Variants in UBXN2B observed in about 807,000 individuals in gnomAD.
UBXN2B encodes the protein UBX domain-containing protein 2B.
UBXN2B carries 19 observed loss-of-function variants against 37.5 expected under a neutral mutation model. That is an observed-to-expected ratio of 0.51 (90% CI 0.35 to 0.74). UBXN2B has a LOEUF of 0.74. Among genes scored for constraint, UBXN2B ranks in the 30% least tolerant of loss-of-function variants. The pLI, the probability that UBXN2B is intolerant of heterozygous loss-of-function variation, is 0.01. For missense variants in UBXN2B, 370 were observed against 393.2 expected, an observed-to-expected ratio of 0.94 and a Z score of 0.50; for synonymous variants, 145 against 143.8, an observed-to-expected ratio of 1.01 and a Z score of -0.06.
At chr8:58,419,858 C>T (rs1563457225) in intron 2 of UBXN2B, among the ~76,000 whole-genome samples, 1 of 152,224 alleles carries the variant, frequency 6.6e-6, no homozygotes. Flanking sequence ...GGCATGTGAC[C>T]TGTGCTATTG....
chr8:58,428,015 A>T (rs981749710), intron 2 of UBXN2B, among the ~76,000 whole-genome samples: 1 of 152,166 alleles, frequency 6.6e-6, no homozygotes, highest in African/African-American at 2.4e-5. Context: ...AGCGAAAGGG[A>T]GAAGAAGGAT....
chr8:58,445,785 A>ATGAAAGAGGT (rs1808651977), intron 6 of UBXN2B, 122 bp from the exon 7 acceptor site: 2 of 801,284 alleles, frequency 2.5e-6, no homozygotes, highest in African/African-American at 3.6e-5. Flanking sequence ...CTTTAATATA[A>ATGAAAGAGGT]TGAAAGAGGT....
chr8:58,426,427 C>T (rs1051788654), intron 2 of UBXN2B: 1 of 608,750 alleles, frequency 1.6e-6, no homozygotes, highest in African/African-American at 1.8e-5. Flanking sequence ...CCAGGATGGT[C>T]TCAATCTCCT....
chr8:58,434,525 T>G (rs1336868341), intron 5 of UBXN2B, 21 bp downstream of exon 5: 3 of 1,495,728 alleles, frequency 2.0e-6, no homozygotes, highest in Admixed American at 2.2e-5. Context: ...TTATTTGTAT[T>G]CTATTTGTTA....
At chr8:58,435,223 T>A (rs1165571932) in intron 5 of UBXN2B, 18 of 1,005,510 alleles carry the variant, frequency 1.8e-5, no homozygotes, top group Non-Finnish European at 2.3e-5. Context: ...ACCAGAGTTA[T>A]ATATACAGGG....
In UBXN2B at chr8:58,424,017, A is replaced by G. The variant is rs188595365; in HGVS notation, c.189-6502A>G. Among the ~76,000 whole-genome samples, 7 of 152,176 alleles carry G rather than the reference A, an allele frequency of 4.6e-5. No individual in the cohort carries two copies. The South Asian group carries it at 1.0e-3, about 23-fold the overall frequency. On this transcript the variant is annotated intron_variant, in intron 2 of 7. Transcript: ENST00000399598. ...CTCTTCAATGCCAATGCAAAGGTAG[A>G]CCAGTCAGCTTCTGACAGTCTCAGG... is the stretch of plus-strand genomic sequence containing the variant.
rs869090698 is a variant in UBXN2B at position 58,446,779 on chromosome 8, A to ATTTTTTTTTTTTTTTT, written c.834-589_834-574dup. Among the ~76,000 whole-genome samples the ATTTTTTTTTTTTTTTT allele has an allele frequency of 6.1e-3, 106 of 17,402 alleles. 38 individuals carry two copies. The highest frequency in any genetic ancestry group is 6.5e-3 in the Non-Finnish European group (62 of 9,594). 11.4% of individuals were successfully genotyped at this position (17,402 alleles called of 152,430 possible). A position where few individuals can be genotyped will look rare whatever the true frequency, so the allele number is the denominator to read the frequency against. ...ATACTCCGAAAAAAGTACAACCTGC[A>ATTTTTTTTTTTTTTTT]TTTTTTTTTTTTTTTTTTTTTTTTT... On this transcript the variant is annotated intron_variant, in intron 7 of 7. Transcript: ENST00000399598.
intron 2 of UBXN2B, among the ~76,000 whole-genome samples, chr8:58,428,383 C>A (rs1372099921): frequency 6.6e-6 from 1 of 152,124 alleles, no homozygotes; most frequent in Non-Finnish European, 1.5e-5. Context: ...CAAAAGTATA[C>A]AAATTGGAAA....
chr8:58,426,200 ATCT>A, intron 2 of UBXN2B: 3 of 559,246 alleles, frequency 5.4e-6, no homozygotes, highest in East Asian at 3.1e-5. Context: ...AGTGTTCTGA[ATCT>A]TTTTTTTTTT....
intron 3 of UBXN2B, 121 bp from the exon 4 acceptor site, chr8:58,433,039 G>T: frequency 1.5e-6 from 1 of 662,076 alleles, no homozygotes; most frequent in Non-Finnish European, 2.5e-6. Flanking sequence ...GTTCTTGAAG[G>T]CTCCCCAGTA....
At chr8:58,440,536 G>T (rs1808514677) in intron 6 of UBXN2B, among the ~76,000 whole-genome samples, 2 of 152,268 alleles carry the variant, frequency 1.3e-5, no homozygotes, top group African/African-American at 4.8e-5. Flanking sequence ...TGTATGAGTG[G>T]TTTCCTTTAT....
intron 2 of UBXN2B, among the ~76,000 whole-genome samples, chr8:58,427,849 A>T (rs1476833717): frequency 6.6e-6 from 1 of 152,196 alleles, no homozygotes. Flanking sequence ...ACATGAGCTT[A>T]AATAGAGGGG....
chr8:58,437,318 CTTTTTTTTTTTT>C (rs773987509), intron 5 of UBXN2B, among the ~76,000 whole-genome samples: 64 of 74,262 alleles, frequency 8.6e-4, no homozygotes, highest in Non-Finnish European at 1.2e-3. Context: ...GAAGAAATTT[CTTTTTTTTTTTT>C]TTTTTTTTTT....
chr8:58,417,833 CA>C (rs1225439276), intron 2 of UBXN2B, among the ~76,000 whole-genome samples: 1 of 152,110 alleles, frequency 6.6e-6, no homozygotes, highest in Non-Finnish European at 1.5e-5. Flanking sequence ...CTTTTTTACT[CA>C]ACTATTTGAA....
intron 2 of UBXN2B, chr8:58,425,542 T>C: frequency 9.4e-7 from 1 of 1,067,504 alleles, no homozygotes; most frequent in South Asian, 1.3e-5. Flanking sequence ...TTTATATCTA[T>C]TTTTGTTTTT....
At chr8:58,441,726 A>G (rs1808555621) in intron 6 of UBXN2B, among the ~76,000 whole-genome samples, 1 of 152,210 alleles carries the variant, frequency 6.6e-6, no homozygotes, top group African/African-American at 2.4e-5. Flanking sequence ...CATTTTCCTT[A>G]TAAGGCAAAT....
intron 6 of UBXN2B, among the ~76,000 whole-genome samples, chr8:58,444,118 G>A (rs1056376745): frequency 2.0e-5 from 3 of 152,142 alleles, no homozygotes; most frequent in Admixed American, 1.3e-4. Context: ...GTCAGAATCT[G>A]CCTTAAAACA....
At chr8:58,416,342 G>T (rs1160562788) in intron 1 of UBXN2B, among the ~76,000 whole-genome samples, 2 of 151,880 alleles carry the variant, frequency 1.3e-5, no homozygotes, top group African/African-American at 4.8e-5. Flanking sequence ...TTATGGTCTT[G>T]TTTGTTCAGA....
chr8:58,425,735 TGTA>T, intron 2 of UBXN2B: 1 of 1,165,476 alleles, frequency 8.6e-7, no homozygotes, highest in Non-Finnish European at 1.3e-6. Flanking sequence ...CTACGTGAGT[TGTA>T]GTACTGTACC....
Sources: allele counts gnomAD v4.1 joint callset (sites outside exome capture counted in the v4.1 genomes callset), GRCh38; gene constraint gnomAD v4.1.1; transcripts MANE v1.5; gene names NCBI Gene and HGNC (gene_info 2026-07-23, HGNC 2026-07-21).